ERLIN1: variants seen among roughly 807,000 people sequenced by gnomAD.
ERLIN1 encodes ER lipid raft associated 1.
In ERLIN1, 24 loss-of-function variants were observed where a neutral mutation model predicts 46.9. The observed-to-expected ratio is 0.51, with a 90% CI of 0.37 to 0.72. The LOEUF (loss-of-function observed/expected upper bound fraction) is 0.72. Among genes scored for constraint, ERLIN1 ranks in the 30% least tolerant of loss-of-function variants. The pLI, the probability that ERLIN1 is intolerant of heterozygous loss-of-function variation, is 0.00. For synonymous variants in ERLIN1, 158 were observed against 143.2 expected, an observed-to-expected ratio of 1.10 and a Z score of -0.74; for missense variants, 293 against 417.9, an observed-to-expected ratio of 0.70 and a Z score of 2.61.
intron 4 of ERLIN1, among the ~76,000 whole-genome samples, chr10:100,176,849 G>T (rs1564814999): frequency 6.6e-6 from 1 of 152,156 alleles, no homozygotes; most frequent in South Asian, 2.1e-4. Flanking sequence ...CCGACTGGGC[G>T]CGGTGGCTCA....
At chr10:100,182,001 T>C (rs868862537) in intron 2 of ERLIN1, among the ~76,000 whole-genome samples, 7 of 152,094 alleles carry the variant, frequency 4.6e-5, no homozygotes, top group South Asian at 2.1e-4. Flanking sequence ...TCTCTTATGA[T>C]AGTTTATTAT....
chr10:100,180,579 T>A (rs1844578741), intron 2 of ERLIN1, among the ~76,000 whole-genome samples: 2 of 152,132 alleles, frequency 1.3e-5, no homozygotes, highest in Non-Finnish European at 2.9e-5. Context: ...CCTACTGAAA[T>A]ACACACAGTT....
Position 100,150,752 on chromosome 10 carries a change from GT to G in ERLIN1, c.*1378del, listed in dbSNP as rs1415294787. 1.3e-5 allele frequency: 2 copies of G among 152,440 alleles called. No homozygotes were observed. Among genetic ancestry groups the G allele is most frequent in the Non-Finnish European group, 2.9e-5 (2 of 68,042 alleles). 9.4% of individuals were successfully genotyped at this position (152,440 alleles called of 1,614,324 possible). A position where few individuals can be genotyped will look rare whatever the true frequency, so the allele number is the denominator to read the frequency against. Reference sequence around the variant, plus strand: ...GAGCTTCAACATAGCGTACACAAGAGTTGTCTTAACAAGCTGCACAAACTCA... The same window carrying G: ...GAGCTTCAACATAGCGTACACAAGAGTGTCTTAACAAGCTGCACAAACTCA... On this transcript the variant is annotated 3_prime_UTR_variant, in exon 11 of 11. Transcript: ENST00000421367.
At chr10:100,175,517 T>C (rs1844244686) in intron 5 of ERLIN1, among the ~76,000 whole-genome samples, 1 of 152,200 alleles carries the variant, frequency 6.6e-6, no homozygotes, top group Non-Finnish European at 1.5e-5. Context: ...TGCTTTCCTC[T>C]GCATTTTGCT....
chr10:100,165,265 C>T (rs1843566728), intron 7 of ERLIN1, among the ~76,000 whole-genome samples: 1 of 152,210 alleles, frequency 6.6e-6, no homozygotes, highest in South Asian at 2.1e-4. Flanking sequence ...AACACTTCCC[C>T]TCAAAGTTTC....
intron 7 of ERLIN1, 107 bp from the exon 8 acceptor site, chr10:100,164,202 C>A: frequency 1.5e-6 from 1 of 667,200 alleles, no homozygotes; most frequent in South Asian, 1.9e-5. Flanking sequence ...TCAACATGAG[C>A]TTTTGGACCC....
At chr10:100,176,377 G>A (rs1229929192) in intron 4 of ERLIN1, among the ~76,000 whole-genome samples, 1 of 152,178 alleles carries the variant, frequency 6.6e-6, no homozygotes, top group African/African-American at 2.4e-5. Flanking sequence ...AAGGTTTCAA[G>A]CAAGGGCATG....
At chr10:100,161,869 A>G (rs527841986) in intron 8 of ERLIN1, among the ~76,000 whole-genome samples, 1 of 152,310 alleles carries the variant, frequency 6.6e-6, no homozygotes, top group African/African-American at 2.4e-5. Flanking sequence ...TTGGCTTGCC[A>G]CTTGAAAAAA....
At position 100,185,739 on chromosome 10, in the gene ERLIN1, G is replaced by A; in HGVS notation, c.-113C>T. ...GAAACTTGGCGCTCTCTCGCAGGCTGAGCCGGGGAGTCCAGTACCCCTGTC... is the reference window on the plus strand; with the variant it reads ...GAAACTTGGCGCTCTCTCGCAGGCTAAGCCGGGGAGTCCAGTACCCCTGTC... On this transcript the variant is annotated 5_prime_UTR_variant, in exon 1 of 11. Transcript: ENST00000421367. 1.2e-6 allele frequency: 1 copy of A among 812,020 alleles called. No homozygotes were observed. Among genetic ancestry groups the A allele is most frequent in the South Asian group, 1.5e-5 (1 of 65,142 alleles). The allele number at this position is 812,020 out of a possible 1,614,324, so 50.3% of individuals were successfully genotyped here.
intron 6 of ERLIN1, among the ~76,000 whole-genome samples, chr10:100,172,213 G>A (rs1253045878): frequency 6.6e-6 from 1 of 152,120 alleles, no homozygotes; most frequent in African/African-American, 2.4e-5. Flanking sequence ...TTTTGTTTTG[G>A]AAAGATGTTC....
intron 10 of ERLIN1, among the ~76,000 whole-genome samples, chr10:100,153,496 C>T (rs1408494653): frequency 6.6e-6 from 1 of 152,188 alleles, no homozygotes; most frequent in Non-Finnish European, 1.5e-5. Flanking sequence ...TATCTTGAGT[C>T]CTGGCCTGTC....
At position 100,154,882 on chromosome 10, in the gene ERLIN1, T is replaced by C. The variant is rs1187585281; in HGVS notation, c.803A>G (p.His268Arg). ...AKADAEYYAA[H>R]KYATSNKHKL... Reference sequence around the variant, plus strand: ...CACCTTGTTTGAGGTGGCATATTTGTGTGCAGCATAATATTCAGCATCTGC... The same window carrying C: ...CACCTTGTTTGAGGTGGCATATTTGCGTGCAGCATAATATTCAGCATCTGC... The change falls in exon 10 of 11, where the codon CAC (histidine) becomes CGC (arginine). Residue 268 changes from histidine to arginine, a missense_variant. His to Arg is a conservative substitution (Grantham distance 29). Coordinates refer to ENST00000421367, the MANE Select transcript of ERLIN1 (RefSeq NM_006459.4). 1.2e-6 allele frequency: 2 copies of C among 1,613,852 alleles called. No individual in the cohort carries two copies. The highest frequency in any genetic ancestry group is 2.7e-5 in the African/African-American group (2 of 74,940).
At position 100,185,549 on chromosome 10, in the gene ERLIN1, G is replaced by C; in HGVS notation, c.78C>G (p.His26Gln). The change falls in exon 1 of 11, where the codon CAC becomes CAG. Residue 26 changes from histidine to glutamine, a missense_variant. This residue lies in a region of ERLIN1 where 76 missense variants were observed against 77.0 expected (regional missense o/e 0.99). Transcript: ENST00000421367. Reference protein sequence around the residue: ...LVAVLLYASIHKIEEGHLAVY... With the variant: ...LVAVLLYASIQKIEEGHLAVY... Reference sequence around the variant, plus strand: ...CAGCCAGATGGCCCTCCTCAATCTTGTGGATGGAGGCGTAGAGCAGGACAG... The same window carrying C: ...CAGCCAGATGGCCCTCCTCAATCTTCTGGATGGAGGCGTAGAGCAGGACAG... 1.2e-6 allele frequency: 2 copies of C among 1,613,822 alleles called. No homozygotes were observed. The highest frequency in any genetic ancestry group is 1.7e-6 in the Non-Finnish European group (2 of 1,179,742).
At chr10:100,153,136 A>T (rs1215072797) in intron 10 of ERLIN1, among the ~76,000 whole-genome samples, 1 of 152,188 alleles carries the variant, frequency 6.6e-6, no homozygotes, top group Non-Finnish European at 1.5e-5. Flanking sequence ...AAATTCTAGA[A>T]CTAGAATAAA....
In ERLIN1 at chr10:100,156,585, G is replaced by A. The variant is rs565720113; in HGVS notation, c.656-351C>T. On this transcript the variant is annotated intron_variant, in intron 8 of 10. Coordinates refer to ENST00000421367, the MANE Select transcript of ERLIN1 (RefSeq NM_006459.4). ...AAAAACAGAGCAACATAAATGCATGGCAACACAGGACAATTAATGTGGCAG... is the reference window on the plus strand; with the variant it reads ...AAAAACAGAGCAACATAAATGCATGACAACACAGGACAATTAATGTGGCAG... 2.6e-5 allele frequency among the ~76,000 whole-genome samples: 4 copies of A among 152,172 alleles called. No individual in the cohort carries two copies. The South Asian group carries it at 6.2e-4, about 24-fold the overall frequency.
At chr10:100,181,513 CTTTTTT>C (rs34628060) in intron 2 of ERLIN1, among the ~76,000 whole-genome samples, 1 of 126,998 alleles carries the variant, frequency 7.9e-6, no homozygotes. Context: ...TAAGAACACT[CTTTTTT>C]TTTTTTTTTT....
chr10:100,154,720 C>G (rs1842983819), intron 10 of ERLIN1, 140 bp downstream of exon 10: 1 of 664,848 alleles, frequency 1.5e-6, no homozygotes, highest in Non-Finnish European at 2.6e-6. Context: ...TTCTTGCTAA[C>G]TGACTAATTC....
At chr10:100,181,990 ATC>A (rs1010695160) in intron 2 of ERLIN1, among the ~76,000 whole-genome samples, 4 of 152,108 alleles carry the variant, frequency 2.6e-5, no homozygotes, top group African/African-American at 9.7e-5. Flanking sequence ...TTTCATTTAC[ATC>A]TCTTATGATA....
At chr10:100,165,719 G>A (rs574862346) in intron 7 of ERLIN1, among the ~76,000 whole-genome samples, 2 of 152,134 alleles carry the variant, frequency 1.3e-5, no homozygotes, top group South Asian at 4.2e-4. Flanking sequence ...AAGACATGCT[G>A]ACAGTTTAAT....
Sources: allele counts gnomAD v4.1 joint callset (sites outside exome capture counted in the v4.1 genomes callset), GRCh38; gene constraint gnomAD v4.1.1; regional missense constraint gnomAD v4.1.1; transcripts MANE v1.5; gene names NCBI Gene and HGNC (gene_info 2026-07-23, HGNC 2026-07-21).